The following SLC22A9 variants were observed in gnomAD, a reference collection of about 807,000 sequenced individuals.
SLC22A9 encodes organic anion transporter 7.
SLC22A9 carries 64 observed loss-of-function variants against 50.1 expected under a neutral mutation model. That is an observed-to-expected ratio of 1.28 (90% CI 1.04 to 1.57). SLC22A9 has a LOEUF of 1.57. Among genes scored for constraint, SLC22A9 ranks in the 40% most tolerant of loss-of-function variants. The pLI is 0.00. For synonymous variants in SLC22A9, 261 were observed against 242.5 expected, an observed-to-expected ratio of 1.08 and a Z score of -0.71; for missense variants, 757 against 676.1, an observed-to-expected ratio of 1.12 and a Z score of -1.33.
chr11:63,399,576 A>G (rs1267191177), intron 6 of SLC22A9, among the ~76,000 whole-genome samples: 1 of 152,202 alleles, frequency 6.6e-6, no homozygotes, highest in Non-Finnish European at 1.5e-5. Context: ...AACTAAAGAG[A>G]TAGACCCCAG....
intron 5 of SLC22A9, among the ~76,000 whole-genome samples, chr11:63,381,683 T>C (rs2014563643): frequency 6.6e-6 from 1 of 152,276 alleles, no homozygotes; most frequent in African/African-American, 2.4e-5. Flanking sequence ...CAACCTTCAG[T>C]ATTTCTGAGC....
chr11:63,403,781 C>T (rs936014572), intron 6 of SLC22A9, among the ~76,000 whole-genome samples: 1 of 151,798 alleles, frequency 6.6e-6, no homozygotes, highest in African/African-American at 2.4e-5. Flanking sequence ...AAATAGCATC[C>T]TATACCTATT....
At chr11:63,378,970 TC>T in intron 5 of SLC22A9, among the ~76,000 whole-genome samples, 1 of 152,226 alleles carries the variant, frequency 6.6e-6, no homozygotes, top group East Asian at 1.9e-4. Flanking sequence ...TGAATCCTGT[TC>T]CTATCAAACT....
intron 5 of SLC22A9, among the ~76,000 whole-genome samples, chr11:63,380,079 T>C (rs2014533889): frequency 1.3e-5 from 2 of 151,916 alleles, no homozygotes; most frequent in African/African-American, 4.8e-5. Flanking sequence ...AACAAGCATA[T>C]GAAAAAAATG....
At chr11:63,386,390 TG>T (rs1323320948) in intron 6 of SLC22A9, among the ~76,000 whole-genome samples, 3 of 150,442 alleles carry the variant, frequency 2.0e-5, no homozygotes, top group Non-Finnish European at 3.0e-5. Context: ...AGCTCCCCTT[TG>T]TACCTCTGGT....
chr11:63,384,050 A>G (rs1310060950), intron 6 of SLC22A9, among the ~76,000 whole-genome samples: 24 of 27,782 alleles, frequency 8.6e-4, no homozygotes, highest in African/African-American at 2.9e-3. Flanking sequence ...TCCATCTAAG[A>G]AAAAAAAAAA....
chr11:63,393,658 C>T (rs746933249), intron 6 of SLC22A9, among the ~76,000 whole-genome samples: 1 of 152,010 alleles, frequency 6.6e-6, no homozygotes, highest in Non-Finnish European at 1.5e-5. Flanking sequence ...TTGTCAAGTG[C>T]TTTTCCTGCT....
At chr11:63,404,662 A>G (rs926379088) in intron 6 of SLC22A9, among the ~76,000 whole-genome samples, 14 of 152,188 alleles carry the variant, frequency 9.2e-5, no homozygotes, top group Admixed American at 8.5e-4. Flanking sequence ...TGTTCACGCA[A>G]TACTTTTCCT....
chr11:63,395,237 G>C (rs887875722), intron 6 of SLC22A9, among the ~76,000 whole-genome samples: 1 of 151,884 alleles, frequency 6.6e-6, no homozygotes, highest in African/African-American at 2.4e-5. Context: ...TTCTTTTTCA[G>C]GTAAATCAAG....
chr11:63,389,069 C>T (rs1284980945), intron 6 of SLC22A9, among the ~76,000 whole-genome samples: 2 of 151,940 alleles, frequency 1.3e-5, no homozygotes, highest in Non-Finnish European at 1.5e-5. Flanking sequence ...TTTAGTTAGG[C>T]TAAATGTTTG....
Position 63,409,834 on chromosome 11 carries a change from A to G in SLC22A9, c.1634A>G (p.Asp545Gly). Residue 545 changes from aspartate to glycine, a missense_variant, in exon 10 of 10, where the codon GAT becomes GGT. Asp to Gly is a moderately conservative substitution (Grantham distance 94). Transcript: ENST00000279178. ...GACCCCAGAGAACCAAAGCAAGAGG[A>G]TCCGAGAGTGGAAGTGACGCAGTTT... is the stretch of plus-strand genomic sequence containing the variant. ...RKDPREPKQE[D>G]PRVEVTQF 1 of 1,613,754 alleles carries G rather than the reference A, an allele frequency of 6.2e-7. No homozygotes were observed. Among genetic ancestry groups the G allele is most frequent in the Non-Finnish European group, 8.5e-7 (1 of 1,179,844 alleles).
At chr11:63,383,609 G>A (rs61927997) in intron 6 of SLC22A9, among the ~76,000 whole-genome samples, 1 of 152,098 alleles carries the variant, frequency 6.6e-6, no homozygotes, top group East Asian at 1.9e-4. Flanking sequence ...CCAATGCAAA[G>A]CTTCAAAGAA....
In SLC22A9 at chr11:63,394,402, T is replaced by C. The variant is rs904326016; in HGVS notation, c.1074-12095T>C. 5.3e-5 allele frequency among the ~76,000 whole-genome samples: 8 copies of C among 152,182 alleles called. No individual in the cohort carries two copies. In the East Asian group the frequency reaches 7.7e-4, roughly 15 times the overall value. ...CAAGATTTAGAGGTCCTTTTAGCAATTCTTGTAGGGGTGGCTTAGTAATGG... is the reference window on the plus strand; with the variant it reads ...CAAGATTTAGAGGTCCTTTTAGCAACTCTTGTAGGGGTGGCTTAGTAATGG... On this transcript the variant is annotated intron_variant, in intron 6 of 9. Coordinates refer to ENST00000279178, the MANE Select transcript of SLC22A9 (RefSeq NM_080866.3).
Position 63,407,873 on chromosome 11 carries a change from T to C in SLC22A9, c.1289-239T>C, listed in dbSNP as rs181279275. Among the ~76,000 whole-genome samples, 125 of 152,352 alleles carry C rather than the reference T, an allele frequency of 8.2e-4. 1 individual carries two copies. Among genetic ancestry groups the C allele is most frequent in the African/African-American group, 3.0e-3 (124 of 41,586 alleles). On this transcript the variant is annotated intron_variant, in intron 7 of 9. Transcript: ENST00000279178. ...CTCTTGCTATGGCATATCTCTGATA[T>C]ATAGTGAGAAGTGAAGTAATAGCTC...
intron 9 of SLC22A9, among the ~76,000 whole-genome samples, chr11:63,409,211 C>G (rs1279988260): frequency 1.3e-5 from 2 of 152,088 alleles, no homozygotes; most frequent in Admixed American, 1.3e-4. Context: ...ATGCAGAGAT[C>G]CAAACACCAG....
intron 6 of SLC22A9, among the ~76,000 whole-genome samples, chr11:63,395,518 C>A (rs1185054628): frequency 6.6e-6 from 1 of 152,168 alleles, no homozygotes; most frequent in African/African-American, 2.4e-5. Context: ...ACAAGTCTAC[C>A]AGGCTCTGGG....
rs911490164 is a variant in SLC22A9 at position 63,406,860 on chromosome 11, C to A, written c.1288+149C>A. On this transcript the variant is annotated intron_variant, in intron 7 of 9. Coordinates refer to ENST00000279178, the MANE Select transcript of SLC22A9 (RefSeq NM_080866.3). Reference sequence around the variant, plus strand: ...CCAATCTGGGGATTTGGGACAGATTCTGCCACAAGTTGCTGGAAAACGAGT... The same window carrying A: ...CCAATCTGGGGATTTGGGACAGATTATGCCACAAGTTGCTGGAAAACGAGT... 5 of 911,498 alleles carry A rather than the reference C, an allele frequency of 5.5e-6. No homozygotes were observed. In the East Asian group the frequency reaches 1.3e-4, roughly 24 times the overall value. 56.5% of individuals were successfully genotyped at this position (911,498 alleles called of 1,614,324 possible).
Position 63,406,490 on chromosome 11 carries a change from A to G in SLC22A9, c.1074-7A>G, listed in dbSNP as rs768563873. On this transcript the variant is annotated splice_region_variant and splice_polypyrimidine_tract_variant and intron_variant, in intron 6 of 9. Coordinates refer to ENST00000279178, the MANE Select transcript of SLC22A9 (RefSeq NM_080866.3). ...TAATATGTTTCTTTCCTTTTTAATC[A>G]TCACAGATTTGCAAACTTTATGGCC... 5.6e-6 allele frequency: 9 copies of G among 1,611,552 alleles called. No individual in the cohort carries two copies. Among genetic ancestry groups the G allele is most frequent in the Admixed American group, 5.0e-5 (3 of 59,884 alleles).
At position 63,408,752 on chromosome 11, in the gene SLC22A9, G is replaced by T. The variant is rs369829202; in HGVS notation, c.1474G>T (p.Val492Leu). 3.2e-5 allele frequency: 51 copies of T among 1,613,884 alleles called. No individual in the cohort carries two copies. Among genetic ancestry groups the T allele is most frequent in the Non-Finnish European group, 4.2e-5 (50 of 1,179,946 alleles). ...ALAPLMMILS[V>L]YSPPLPWIIY... is the part of the protein sequence containing the mutation. The stretch of plus-strand genomic sequence containing the variant: ...GGCTCCCCTCATGATGATCCTAAGT[G>T]TGTATTCTCCACCCCTGCCCTGGAT... Residue 492 changes from valine (V) to leucine (L), a missense_variant, in exon 9 of 10, where the codon GTG becomes TTG. Coordinates refer to ENST00000279178, the MANE Select transcript of SLC22A9 (RefSeq NM_080866.3).
Sources: allele counts gnomAD v4.1 joint callset (sites outside exome capture counted in the v4.1 genomes callset), GRCh38; gene constraint gnomAD v4.1.1; transcripts MANE v1.5; gene names NCBI Gene and HGNC (gene_info 2026-07-23, HGNC 2026-07-21).